The following GRIA1 variants were observed in gnomAD, a reference collection of about 807,000 sequenced individuals.
GRIA1 encodes the protein glutamate ionotropic receptor AMPA type subunit 1.
Under a neutral mutation model 99.2 loss-of-function variants are expected in GRIA1, and 31 were observed. The observed-to-expected ratio is 0.31, with a 90% confidence interval of 0.23 to 0.42. The LOEUF (loss-of-function observed/expected upper bound fraction) is 0.42, where lower values mean the gene tolerates loss of function less well. Ranked by LOEUF, GRIA1 falls within the 10% of genes least tolerant of loss-of-function variation. GRIA1 has a pLI of 1.00. For synonymous variants in GRIA1, 438 were observed against 432.4 expected, an observed-to-expected ratio of 1.01 and a Z score of -0.16; for missense variants, 782 against 1,157.5, an observed-to-expected ratio of 0.68 and a Z score of 4.71.
At chr5:153,561,302 T>A (rs985607814) in intron 2 of GRIA1, among the ~76,000 whole-genome samples, 2 of 152,076 alleles carry the variant, frequency 1.3e-5, no homozygotes, top group Non-Finnish European at 2.9e-5. Context: ...TTGGCCAGGG[T>A]CATGAAACTG....
At chr5:153,764,970 C>T (rs1195635206) in intron 12 of GRIA1, among the ~76,000 whole-genome samples, 1 of 152,152 alleles carries the variant, frequency 6.6e-6, no homozygotes, top group African/African-American at 2.4e-5. Flanking sequence ...CAATTAGGAA[C>T]AGCTTACGGA....
At chr5:153,653,016 A>T (rs1274472864) in intron 4 of GRIA1, among the ~76,000 whole-genome samples, 1 of 152,130 alleles carries the variant, frequency 6.6e-6, no homozygotes, top group Non-Finnish European at 1.5e-5. Flanking sequence ...AAAATTCCAA[A>T]TAGGGAATTA....
chr5:153,795,481 C>T, intron 14 of GRIA1: 1 of 1,581,642 alleles, frequency 6.3e-7, no homozygotes, highest in Non-Finnish European at 8.7e-7. Flanking sequence ...TGAAGAGGTC[C>T]CGTAAACCTA....
At chr5:153,500,513 T>C (rs1220930022) in intron 2 of GRIA1, among the ~76,000 whole-genome samples, 1 of 151,968 alleles carries the variant, frequency 6.6e-6, no homozygotes, top group African/African-American at 2.4e-5. Flanking sequence ...TTGATTTTCC[T>C]CTTAAGGGGC....
At chr5:153,663,774 C>G (rs1755544380) in intron 5 of GRIA1, among the ~76,000 whole-genome samples, 1 of 152,162 alleles carries the variant, frequency 6.6e-6, no homozygotes, top group South Asian at 2.1e-4. Context: ...TTCTAGTTTT[C>G]CTGATTGTCT....
intron 8 of GRIA1, among the ~76,000 whole-genome samples, chr5:153,687,584 A>G (rs1480193338): frequency 6.6e-6 from 1 of 152,198 alleles, no homozygotes; most frequent in Non-Finnish European, 1.5e-5. Context: ...ATAAATTCCA[A>G]TTTAAAAATC....
At chr5:153,675,868 T>TC (rs1292575586) in intron 6 of GRIA1, among the ~76,000 whole-genome samples, 2 of 151,798 alleles carry the variant, frequency 1.3e-5, no homozygotes, top group African/African-American at 2.4e-5. Flanking sequence ...AATTTTTTTT[T>TC]TTTTTTGAGA....
chr5:153,716,801 GTGACC>G (rs1392985968), intron 11 of GRIA1, among the ~76,000 whole-genome samples: 1 of 152,198 alleles, frequency 6.6e-6, no homozygotes, highest in Non-Finnish European at 1.5e-5. Flanking sequence ...AGAGTCAGAA[GTGACC>G]TTAAAATTGT....
At chr5:153,688,948 CTGACCGTG>C (rs1384681810) in intron 8 of GRIA1, among the ~76,000 whole-genome samples, 1 of 152,104 alleles carries the variant, frequency 6.6e-6, no homozygotes, top group Non-Finnish European at 1.5e-5. Flanking sequence ...TCTCAAACTC[CTGACCGTG>C]TGATCCATTC....
intron 2 of GRIA1, among the ~76,000 whole-genome samples, chr5:153,544,465 C>T (rs558713489): frequency 1.3e-5 from 2 of 152,268 alleles, no homozygotes; most frequent in South Asian, 4.2e-4. Context: ...CTCCCCACAT[C>T]AAATGGAAAA....
At chr5:153,691,960 C>A (rs1320696617) in intron 8 of GRIA1, among the ~76,000 whole-genome samples, 1 of 152,218 alleles carries the variant, frequency 6.6e-6, no homozygotes, top group African/African-American at 2.4e-5. Context: ...CAACATGGCC[C>A]TCAGAGCCCT....
chr5:153,738,589 A>T (rs949008165), intron 11 of GRIA1, among the ~76,000 whole-genome samples: 2 of 152,090 alleles, frequency 1.3e-5, no homozygotes, highest in African/African-American at 4.8e-5. Context: ...ATCAATCTTC[A>T]AATAGAAATT....
intron 2 of GRIA1, among the ~76,000 whole-genome samples, chr5:153,510,422 C>T (rs1443320928): frequency 6.6e-6 from 1 of 152,078 alleles, no homozygotes; most frequent in Non-Finnish European, 1.5e-5. Flanking sequence ...TTAAAGTTGC[C>T]TTGATCATAA....
chr5:153,674,446 A>C (rs1695378471), intron 5 of GRIA1, 54 bp from the exon 6 acceptor site: 1 of 1,599,684 alleles, frequency 6.3e-7, no homozygotes, highest in Non-Finnish European at 8.6e-7. Flanking sequence ...GAACAGGTTA[A>C]GTTGATTTAT....
chr5:153,633,927 G>A (rs576764702), intron 2 of GRIA1, among the ~76,000 whole-genome samples: 1 of 152,196 alleles, frequency 6.6e-6, no homozygotes, highest in East Asian at 1.9e-4. Flanking sequence ...GCCCTAATCA[G>A]GGAGATGAAA....
chr5:153,497,896 G>T (rs1412375470), intron 2 of GRIA1, among the ~76,000 whole-genome samples: 1 of 152,166 alleles, frequency 6.6e-6, no homozygotes. Flanking sequence ...TGTTGTAAGT[G>T]CTATAGCAGC....
chr5:153,743,683 C>T (rs1331377809), intron 11 of GRIA1, among the ~76,000 whole-genome samples: 4 of 152,038 alleles, frequency 2.6e-5, no homozygotes, highest in African/African-American at 9.7e-5. Context: ...TTTTAAAAGA[C>T]TCATGTCATA....
chr5:153,506,316 GGTGTGTGTGTGT>G (rs61220170), intron 2 of GRIA1, among the ~76,000 whole-genome samples: 81 of 140,408 alleles, frequency 5.8e-4, no homozygotes, highest in Non-Finnish European at 7.7e-4. Context: ...TGGCAAGAAG[GGTGTGTGTGTGT>G]GTGTGTGTGT....
intron 2 of GRIA1, among the ~76,000 whole-genome samples, chr5:153,561,020 C>A (rs565046694): frequency 8.1e-4 from 123 of 152,250 alleles, no homozygotes; most frequent in Middle Eastern, 3.4e-3. Context: ...TATGTAACTT[C>A]TTTCTCCTCA....
Sources: gnomAD v4.1 joint callset for allele counts (sites outside exome capture counted in the v4.1 genomes callset) on GRCh38, gnomAD v4.1.1 for gene constraint, MANE v1.5 for transcripts, NCBI Gene and HGNC (gene_info 2026-07-23, HGNC 2026-07-21) for gene names.